The following SYNE1 variants were observed in gnomAD, a reference collection of about 807,000 sequenced individuals.
The protein encoded by SYNE1 is nesprin-1.
SYNE1 carries 616 observed loss-of-function variants against 1,111.0 expected under a neutral mutation model. The observed-to-expected ratio is 0.55, with a 90% CI of 0.52 to 0.59. The LOEUF (loss-of-function observed/expected upper bound fraction) is 0.59, where lower values mean the gene tolerates loss of function less well. Ranked by LOEUF, SYNE1 falls within the 20% of genes least tolerant of loss-of-function variation. The pLI is 0.00. For synonymous variants in SYNE1, 3,855 were observed against 3,825.8 expected (o/e 1.01, Z -0.28); for missense variants, 10,006 against 10,417.0 (o/e 0.96, Z 1.72).
chr6:152,130,900 C>T, intron 144 of SYNE1, 122 bp from the exon 145 acceptor site: 1 of 984,250 alleles, frequency 1.0e-6, no homozygotes. Flanking sequence ...ATGAAATGAT[C>T]AGTACCCATG....
intron 137 of SYNE1, chr6:152,145,684 C>T (rs2059357915): frequency 2.5e-6 from 2 of 806,080 alleles, no homozygotes; most frequent in African/African-American, 1.7e-5. Flanking sequence ...CCTGAGCGCA[C>T]AGAGGAGCGT....
chr6:152,321,948 A>T (rs2095877608), intron 82 of SYNE1, 62 bp from the exon 83 acceptor site: 1 of 1,586,752 alleles, frequency 6.3e-7, no homozygotes, highest in African/African-American at 1.3e-5. Flanking sequence ...AATACTTGGC[A>T]ACATTTTATC....
chr6:152,168,229 A>T (rs1391771157), intron 130 of SYNE1: 1 of 746,256 alleles, frequency 1.3e-6, no homozygotes. Context: ...CAAAAGTTAG[A>T]CTCTGCAGAG....
chr6:152,139,717 A>AAAAGAAAGAAAGAAAGAAAG (rs138419982), intron 140 of SYNE1, among the ~76,000 whole-genome samples: 10 of 95,424 alleles, frequency 1.0e-4, no homozygotes, highest in African/African-American at 4.5e-4. Context: ...AAAAGAAAGA[A>AAAAGAAAGAAAGAAAGAAAG]AAAGAAAGAA....
chr6:152,217,644 TAGG>T (rs2079065635), intron 121 of SYNE1, among the ~76,000 whole-genome samples: 1 of 151,934 alleles, frequency 6.6e-6, no homozygotes, highest in African/African-American at 2.4e-5. Context: ...TAGATTGAGC[TAGG>T]AGTAGATGAT....
intron 97 of SYNE1, among the ~76,000 whole-genome samples, chr6:152,278,835 A>G (rs1355128713): frequency 6.6e-6 from 1 of 152,016 alleles, no homozygotes; most frequent in Non-Finnish European, 1.5e-5. Context: ...TGGCATGAAC[A>G]TGGCTCACTG....
chr6:152,472,518 T>C lies in SYNE1; in HGVS notation c.1351-105A>G. 2.9e-6 allele frequency: 3 copies of C among 1,028,718 alleles called. No individual in the cohort carries two copies. In the East Asian group the frequency reaches 7.6e-5, roughly 26 times the overall value. The allele number at this position is 1,028,718 out of a possible 1,614,324, so 63.7% of individuals were successfully genotyped here. A position where few individuals can be genotyped will look rare whatever the true frequency, so the allele number is the denominator to read the frequency against. Reference sequence around the variant, plus strand: ...CCGATGAGTCAATGTATTCAACAATTTGATCCCGCTGCCACATTCAGAGGC... The same window carrying C: ...CCGATGAGTCAATGTATTCAACAATCTGATCCCGCTGCCACATTCAGAGGC... On this transcript the variant is annotated intron_variant, in intron 14 of 145. Transcript: ENST00000367255.
At chr6:152,387,735 A>G (rs1333910031) in intron 53 of SYNE1, among the ~76,000 whole-genome samples, 2 of 152,184 alleles carry the variant, frequency 1.3e-5, no homozygotes, top group Non-Finnish European at 2.9e-5. Flanking sequence ...TTTCATATAG[A>G]TCAGTTCTTA....
In SYNE1 at chr6:152,484,038, CAAAAAAAA is replaced by C. The variant is rs773019397; in HGVS notation, c.1185+789_1186-790del. On this transcript the variant is annotated intron_variant, in intron 13 of 145. Transcript: ENST00000367255. Reference sequence around the variant, plus strand: ...GCAATATAGTGAGATCTCATCTCTACAAAAAAAAAAAAAAAAAAAAAAAATTAGCCAAG... The same window carrying C: ...GCAATATAGTGAGATCTCATCTCTACAAAAAAAAAAAAAAAATTAGCCAAG... Among the ~76,000 whole-genome samples the C allele has an allele frequency of 6.4e-3, 343 of 53,516 alleles. 1 individual carries two copies. Among genetic ancestry groups the C allele is most frequent in the African/African-American group, 0.019 (325 of 17,274 alleles). The allele number at this position is 53,516 out of a possible 152,430, so 35.1% of individuals were successfully genotyped here.
intron 3 of SYNE1, among the ~76,000 whole-genome samples, chr6:152,589,769 G>A (rs1223099930): frequency 6.6e-6 from 1 of 151,994 alleles, no homozygotes; most frequent in African/African-American, 2.4e-5. Flanking sequence ...AAACATTAAT[G>A]CAAAATGAAA....
At chr6:152,362,130 C>G (rs748626568) in intron 64 of SYNE1, 40 bp downstream of exon 64, 76 of 1,614,110 alleles carry the variant, frequency 4.7e-5, no homozygotes, top group Non-Finnish European at 6.2e-5. Flanking sequence ...TCTAAAGAAG[C>G]CTGTGAGAAA....
chr6:152,186,556 CAAAAAAAAAAAAAAAAAA>C (rs59187571), intron 128 of SYNE1, among the ~76,000 whole-genome samples: 23 of 38,038 alleles, frequency 6.0e-4, no homozygotes, highest in East Asian at 8.9e-4. Context: ...AGCTCTGTGT[CAAAAAAAAAAAAAAAAAA>C]AAAAAAAAAA....
chr6:152,135,288 C>T, intron 141 of SYNE1, 56 bp from the exon 142 acceptor site: 3 of 1,567,418 alleles, frequency 1.9e-6, no homozygotes, highest in Non-Finnish European at 2.6e-6. Flanking sequence ...TCTCTCAAAA[C>T]TTAAATGTCT....
At chr6:152,324,244 C>CA (rs2095977334) in intron 81 of SYNE1, among the ~76,000 whole-genome samples, 1 of 151,738 alleles carries the variant, frequency 6.6e-6, no homozygotes, top group East Asian at 1.9e-4. Context: ...ACTAAAAATA[C>CA]AAAAATTAAC....
chr6:152,304,856 C>G lies in SYNE1; in HGVS notation c.17347-2793G>C, dbSNP rs1266771455. Among the ~76,000 whole-genome samples, 4 of 152,166 alleles carry G rather than the reference C, an allele frequency of 2.6e-5. No homozygotes were observed. The East Asian group carries it at 7.7e-4, about 29-fold the overall frequency. ...ACCACTTCCAAAGGTTCTGATTTAC[C>G]AGGTGTATGACAGTCTGCACTTCAT... On this transcript the variant is annotated intron_variant, in intron 91 of 145. Transcript: ENST00000367255.
chr6:152,621,231 A>G (rs187524595), intron 3 of SYNE1, among the ~76,000 whole-genome samples: 15 of 152,330 alleles, frequency 9.8e-5, no homozygotes, highest in African/African-American at 3.6e-4. Flanking sequence ...GTTACAGTTA[A>G]AATGGACTTA....
intron 11 of SYNE1, among the ~76,000 whole-genome samples, chr6:152,496,385 C>T (rs374710118): frequency 3.9e-4 from 59 of 152,264 alleles, no homozygotes; most frequent in African/African-American, 1.3e-3. Flanking sequence ...CAAATAATTA[C>T]GCTGAACCGC....
chr6:152,281,927 C>A lies in SYNE1; in HGVS notation c.18261G>T (p.Arg6087Ser). The A allele has an allele frequency of 6.2e-7, 1 of 1,614,142 alleles. No individual in the cohort carries two copies. Among genetic ancestry groups the A allele is most frequent in the Non-Finnish European group, 8.5e-7 (1 of 1,180,042 alleles). ...CCAGCTCATCGGCTTCACAGCGATA[C>A]CTCTGCAGGGCCTGTTCCTGCCTTT... Reference protein sequence around the residue: ...EEQRQEQALQRYRCEADELDS... With the variant: ...EEQRQEQALQSYRCEADELDS... The change falls in exon 97 of 146, where the codon AGG becomes AGT. Residue 6087 changes from arginine (R) to serine (S), a missense_variant. By Grantham distance (110) the Arg-to-Ser change is moderately radical (BLOSUM62 -1). Around this residue, in one of 7 missense-constraint regions of SYNE1, gnomAD observed 99 missense variants for 147.8 expected, o/e 0.67. Transcript: ENST00000367255.
Position 152,221,484 on chromosome 6 carries a change from CTT to C in SYNE1, c.21596_21597del (p.Lys7199ArgfsTer23). 1 of 1,613,898 alleles carries C rather than the reference CTT, an allele frequency of 6.2e-7. No individual in the cohort carries two copies. The highest frequency in any genetic ancestry group is 8.5e-7 in the Non-Finnish European group (1 of 1,179,930). On this transcript the variant is annotated frameshift_variant, in exon 118 of 146. Transcript: ENST00000367255. LOFTEE classifies it high-confidence loss of function. ...GTTTCTGTCACGGGTGGGTGACACT[CTT>C]TTAATAATTGGTTGGTGATAGAGCC... ...KFGSITNQLL[K>X]ECHPPVTETL...
Sources: gnomAD v4.1 joint callset for allele counts (sites outside exome capture counted in the v4.1 genomes callset) on GRCh38, gnomAD v4.1.1 for gene constraint, gnomAD v4.1.1 regional missense constraint, MANE v1.5 for transcripts, NCBI Gene and HGNC (gene_info 2026-07-23, HGNC 2026-07-21) for gene names.